PTPRR: variants seen among roughly 807,000 people sequenced by gnomAD.
The protein encoded by PTPRR is receptor-type tyrosine-protein phosphatase R.
PTPRR carries 38 observed loss-of-function variants against 77.2 expected under a neutral mutation model. The observed-to-expected ratio is 0.49, with a 90% CI of 0.38 to 0.65. The LOEUF is 0.65. Ranked by LOEUF, PTPRR falls within the 30% of genes least tolerant of loss-of-function variation. The pLI is 0.00. For missense variants in PTPRR, 744 were observed against 799.2 expected (o/e 0.93, Z 0.83); for synonymous variants, 299 against 283.1 (o/e 1.06, Z -0.57).
In PTPRR at chr12:70,721,069, G is replaced by A. The variant is rs74685526; in HGVS notation, c.1008-19746C>T. ...AACCAGATAATCCACAAAAACACTCGTGCCATATTCCCCTAAAAGAAATGT... is the reference window on the plus strand; with the variant it reads ...AACCAGATAATCCACAAAAACACTCATGCCATATTCCCCTAAAAGAAATGT... On this transcript the variant is annotated intron_variant, in intron 6 of 13. Transcript: ENST00000283228. Among the ~76,000 whole-genome samples the A allele has an allele frequency of 5.8e-3, 878 of 152,182 alleles. 42 individuals are homozygous for A. The East Asian group carries it at 0.11, about 20-fold the overall frequency.
intron 2 of PTPRR, among the ~76,000 whole-genome samples, chr12:70,806,119 G>A (rs892251387): frequency 6.6e-6 from 1 of 152,180 alleles, no homozygotes; most frequent in African/African-American, 2.4e-5. Context: ...AATTACAGAT[G>A]TGTCTTCAGG....
chr12:70,698,236 A>G (rs1230772548), intron 8 of PTPRR, 29 bp downstream of exon 8: 1 of 1,592,248 alleles, frequency 6.3e-7, no homozygotes, highest in African/African-American at 1.3e-5. Flanking sequence ...CCCCCCATAC[A>G]ATGCAAATTA....
At chr12:70,742,111 T>C (rs775745820) in intron 6 of PTPRR, among the ~76,000 whole-genome samples, 2 of 152,080 alleles carry the variant, frequency 1.3e-5, no homozygotes, top group Non-Finnish European at 1.5e-5. Context: ...AAAGAGATAA[T>C]GGACATTTTA....
intron 2 of PTPRR, among the ~76,000 whole-genome samples, chr12:70,872,740 T>C (rs1476109886): frequency 1.4e-5 from 2 of 139,044 alleles, no homozygotes; most frequent in Non-Finnish European, 3.1e-5. Flanking sequence ...AAGTCAACCA[T>C]TTTGCCTTTT....
rs112832929 is a variant in PTPRR at position 70,764,624 on chromosome 12, C to T, written c.471+41G>A. 13,714 of 1,510,678 alleles carry T rather than the reference C, an allele frequency of 9.1e-3. 95 individuals are homozygous for T. The highest frequency in any genetic ancestry group is 0.015 in the South Asian group (1,349 of 88,940). 93.6% of individuals were successfully genotyped at this position (1,510,678 alleles called of 1,614,324 possible). ...CTTTAGTGATTAAAAAAACCACACACACGGCTTGAATTTTGGAAATGCGAA... is the reference window on the plus strand; with the variant it reads ...CTTTAGTGATTAAAAAAACCACACATACGGCTTGAATTTTGGAAATGCGAA... On this transcript the variant is annotated intron_variant, in intron 3 of 13. Coordinates refer to ENST00000283228, the MANE Select transcript of PTPRR (RefSeq NM_002849.4).
chr12:70,848,350 A>G (rs1430992957), intron 2 of PTPRR, among the ~76,000 whole-genome samples: 2 of 152,034 alleles, frequency 1.3e-5, no homozygotes, highest in African/African-American at 2.4e-5. Context: ...TTTTTTTGAG[A>G]TGGAGTCTTG....
chr12:70,908,044 T>C (rs1893648442), intron 1 of PTPRR, among the ~76,000 whole-genome samples: 1 of 152,200 alleles, frequency 6.6e-6, no homozygotes. Flanking sequence ...AAAATATAAT[T>C]GTTTTCAAAT....
chr12:70,905,756 G>A (rs149283862), intron 1 of PTPRR, among the ~76,000 whole-genome samples: 76 of 151,942 alleles, frequency 5.0e-4, no homozygotes, highest in African/African-American at 1.5e-3. Flanking sequence ...ATAAATCCTC[G>A]CATTGCAAGT....
At chr12:70,770,728 C>T (rs1412586885) in intron 2 of PTPRR, among the ~76,000 whole-genome samples, 4 of 152,096 alleles carry the variant, frequency 2.6e-5, no homozygotes, top group Admixed American at 1.3e-4. Context: ...CGGCACAATT[C>T]ACAATAGCAA....
chr12:70,916,416 T>G (rs903615733), intron 1 of PTPRR, among the ~76,000 whole-genome samples: 1 of 152,200 alleles, frequency 6.6e-6, no homozygotes, highest in Non-Finnish European at 1.5e-5. Flanking sequence ...AGGTCTATAT[T>G]GAGTGATTTT....
intron 6 of PTPRR, among the ~76,000 whole-genome samples, chr12:70,736,541 C>T (rs1398600): frequency 6.6e-6 from 1 of 151,890 alleles, no homozygotes; most frequent in Non-Finnish European, 1.5e-5. Context: ...TACTGACTTA[C>T]TATTAAGTTA....
chr12:70,911,105 T>C (rs539441836), intron 1 of PTPRR, among the ~76,000 whole-genome samples: 1 of 152,258 alleles, frequency 6.6e-6, no homozygotes, highest in Admixed American at 6.5e-5. Flanking sequence ...TGTGGCTGCA[T>C]GTGACCTTTT....
At chr12:70,715,699 C>T (rs531875895) in intron 6 of PTPRR, among the ~76,000 whole-genome samples, 9 of 152,288 alleles carry the variant, frequency 5.9e-5, no homozygotes, top group African/African-American at 2.2e-4. Flanking sequence ...AGAAATATGG[C>T]TCTGCTCCGC....
intron 5 of PTPRR, 36 bp downstream of exon 5, chr12:70,754,155 G>A: frequency 6.3e-7 from 1 of 1,595,644 alleles, no homozygotes; most frequent in Non-Finnish European, 8.6e-7. Flanking sequence ...GCAGTGGGCT[G>A]AGCAAAGGAT....
At chr12:70,641,793 G>A (rs2136637159) in intron 13 of PTPRR, among the ~76,000 whole-genome samples, 1 of 152,274 alleles carries the variant, frequency 6.6e-6, no homozygotes, top group South Asian at 2.1e-4. Flanking sequence ...ACATCAACAT[G>A]AATCTGTCCT....
At chr12:70,904,594 T>C (rs1347073540) in intron 1 of PTPRR, among the ~76,000 whole-genome samples, 1 of 151,906 alleles carries the variant, frequency 6.6e-6, no homozygotes, top group African/African-American at 2.4e-5. Flanking sequence ...CGAACTATTC[T>C]GTATCCAGAT....
intron 13 of PTPRR, among the ~76,000 whole-genome samples, chr12:70,646,632 G>A (rs982722399): frequency 6.6e-6 from 1 of 152,126 alleles, no homozygotes; most frequent in African/African-American, 2.4e-5. Context: ...GAATTATAAT[G>A]TCAAGTAAAT....
At chr12:70,865,452 T>C (rs1438681183) in intron 2 of PTPRR, among the ~76,000 whole-genome samples, 1 of 152,126 alleles carries the variant, frequency 6.6e-6, no homozygotes, top group African/African-American at 2.4e-5. Flanking sequence ...GTGGAAAATT[T>C]TCCTCCAGTG....
At chr12:70,824,725 T>C (rs551162716) in intron 2 of PTPRR, among the ~76,000 whole-genome samples, 8 of 152,262 alleles carry the variant, frequency 5.3e-5, no homozygotes, top group African/African-American at 1.9e-4. Flanking sequence ...TATTTGGCTA[T>C]GCCTTTGTCG....
Sources: allele counts gnomAD v4.1 joint callset (sites outside exome capture counted in the v4.1 genomes callset), GRCh38; gene constraint gnomAD v4.1.1; transcripts MANE v1.5; gene names NCBI Gene and HGNC (gene_info 2026-07-23, HGNC 2026-07-21).